RBFOX3: variants seen among roughly 807,000 people sequenced by gnomAD.
RBFOX3 encodes the protein RNA binding protein fox-1 homolog 3.
In RBFOX3, 17 loss-of-function variants were observed where a neutral mutation model predicts 48.7. The ratio of observed to expected loss-of-function variants is 0.35; its 90% confidence interval spans 0.24 to 0.52. The LOEUF (loss-of-function observed/expected upper bound fraction) is 0.52. Among genes scored for constraint, RBFOX3 ranks in the 20% least tolerant of loss-of-function variants. The pLI is 0.94. For missense variants in RBFOX3, 382 were observed against 497.5 expected (o/e 0.77, Z 2.21); for synonymous variants, 212 against 209.5 (o/e 1.01, Z -0.10).
Position 79,130,410 on chromosome 17 carries a change from C to T in RBFOX3, c.-33-14662G>A, listed in dbSNP as rs535730903. 5.9e-5 allele frequency among the ~76,000 whole-genome samples: 9 copies of T among 152,342 alleles called. No homozygotes were observed. In the South Asian group the frequency reaches 1.9e-3, roughly 32 times the overall value. On this transcript the variant is annotated intron_variant, in intron 4 of 14. Transcript: ENST00000693108. ...ACAGTCACTTCGCAAGCCAACAACCCGCCACCAAGTCGCATGCTCTGCCGC... is the reference window on the plus strand; with the variant it reads ...ACAGTCACTTCGCAAGCCAACAACCTGCCACCAAGTCGCATGCTCTGCCGC...
chr17:79,385,306 CA>C (rs752807637), intron 2 of RBFOX3, among the ~76,000 whole-genome samples: 6 of 152,206 alleles, frequency 3.9e-5, no homozygotes, highest in Non-Finnish European at 8.8e-5. Context: ...AGGGAAACAC[CA>C]GGCCCCATGT....
At position 79,341,651 on chromosome 17, in the gene RBFOX3, C is replaced by G. The variant is rs574606697; in HGVS notation, c.-174-33827G>C. On this transcript the variant is annotated intron_variant, in intron 2 of 14. Coordinates refer to ENST00000693108, the MANE Select transcript of RBFOX3 (RefSeq NM_001350451.2). ...TTGGAAAGCCTTAGGGTCCATTTCT[C>G]TACCTGGAGAAGCAGTCACTGCCCC... 3.3e-5 allele frequency among the ~76,000 whole-genome samples: 5 copies of G among 152,258 alleles called. No homozygotes were observed. The East Asian group carries it at 9.7e-4, about 29-fold the overall frequency.
intron 4 of RBFOX3, among the ~76,000 whole-genome samples, chr17:79,117,317 C>T (rs562636394): frequency 6.8e-4 from 103 of 152,322 alleles, no homozygotes; most frequent in African/African-American, 2.2e-3. Context: ...CAGGAGTCCG[C>T]GTCCTTGCTG....
chr17:79,457,217 G>T (rs1023423304), intron 2 of RBFOX3, among the ~76,000 whole-genome samples: 1 of 152,210 alleles, frequency 6.6e-6, no homozygotes. Flanking sequence ...AATATTTCAG[G>T]GTTGATGGTC....
chr17:79,138,234 C>T (rs1433048019), intron 4 of RBFOX3, among the ~76,000 whole-genome samples: 1 of 152,170 alleles, frequency 6.6e-6, no homozygotes, highest in Non-Finnish European at 1.5e-5. Flanking sequence ...GTGCAACACG[C>T]ACACTCAGAC....
Position 79,473,512 on chromosome 17 carries a change from G to C in RBFOX3, c.-175+8942C>G, listed in dbSNP as rs1334955769. On this transcript the variant is annotated intron_variant, in intron 2 of 14. Coordinates refer to ENST00000693108, the MANE Select transcript of RBFOX3 (RefSeq NM_001350451.2). This position sits in a 1 kb window ranked among gnomAD's most constrained non-coding sequence, Gnocchi z 4.2. ...TTTCCAGGCCTTGCATACTGTTCTG[G>C]ACACTCCAGGCACACAGATGCCTCC... Among the ~76,000 whole-genome samples the C allele has an allele frequency of 6.6e-6, 1 of 152,220 alleles. No individual in the cohort carries two copies. Among genetic ancestry groups the C allele is most frequent in the Non-Finnish European group, 1.5e-5 (1 of 68,032 alleles).
upstream of RBFOX3, among the ~76,000 whole-genome samples, chr17:79,614,320 A>G (rs2145595917): frequency 1.3e-5 from 2 of 152,284 alleles, no homozygotes; most frequent in East Asian, 3.9e-4. Flanking sequence ...CCCTCACGGC[A>G]CCTGTCAGCA....
chr17:79,267,212 C>G (rs1016753389), intron 3 of RBFOX3, among the ~76,000 whole-genome samples: 1 of 152,192 alleles, frequency 6.6e-6, no homozygotes, highest in African/African-American at 2.4e-5. Context: ...CTTGCTGGCT[C>G]TGGGCCCTGT....
Position 79,151,938 on chromosome 17 carries a change from A to AGGAG in RBFOX3, c.-33-36191_-33-36190insCTCC, listed in dbSNP as rs1223049784. Among the ~76,000 whole-genome samples, 185 of 19,744 alleles carry AGGAG rather than the reference A, an allele frequency of 9.4e-3. 37 individuals carry two copies. The highest frequency in any genetic ancestry group is 0.028 in the Middle Eastern group (1 of 36). 13.0% of individuals were successfully genotyped at this position (19,744 alleles called of 152,430 possible). ...GGCGAGGATGGGAGGGGACCTACAGAGGGAGGCGCGGATGGGAGGTGCAGG... is the reference window on the plus strand; with the variant it reads ...GGCGAGGATGGGAGGGGACCTACAGAGGAGGGGAGGCGCGGATGGGAGGTGCAGG... On this transcript the variant is annotated intron_variant, in intron 4 of 14. Coordinates refer to ENST00000693108, the MANE Select transcript of RBFOX3 (RefSeq NM_001350451.2).
At chr17:79,157,375 C>T (rs889983906) in intron 4 of RBFOX3, among the ~76,000 whole-genome samples, 3 of 152,208 alleles carry the variant, frequency 2.0e-5, no homozygotes, top group Admixed American at 6.5e-5. Flanking sequence ...ACCCCTTCCA[C>T]AGACACTGAC....
At chr17:79,603,316 G>A (rs1383827018) in intron 1 of RBFOX3, among the ~76,000 whole-genome samples, 7 of 152,144 alleles carry the variant, frequency 4.6e-5, no homozygotes, top group Admixed American at 2.6e-4. Flanking sequence ...TTGACACCCC[G>A]CTGGCAGTGG....
chr17:79,219,437 C>T (rs918153783), intron 4 of RBFOX3, among the ~76,000 whole-genome samples: 3 of 152,240 alleles, frequency 2.0e-5, no homozygotes, highest in Non-Finnish European at 4.4e-5. Flanking sequence ...GACACACACA[C>T]ATACCCTAAA....
chr17:79,461,913 G>A (rs1440165102), intron 2 of RBFOX3, among the ~76,000 whole-genome samples: 1 of 152,192 alleles, frequency 6.6e-6, no homozygotes, highest in African/African-American at 2.4e-5. Flanking sequence ...AAGGGGCAAG[G>A]GAAGTTCTTC....
intron 2 of RBFOX3, among the ~76,000 whole-genome samples, chr17:79,456,198 T>G (rs782732491): frequency 1.3e-5 from 2 of 152,216 alleles, no homozygotes; most frequent in Non-Finnish European, 2.9e-5. Flanking sequence ...TCACGCAGTC[T>G]TTCTTTCTGC....
intron 1 of RBFOX3, among the ~76,000 whole-genome samples, chr17:79,513,946 C>A (rs1481362925): frequency 1.3e-5 from 2 of 152,210 alleles, no homozygotes; most frequent in African/African-American, 4.8e-5. Flanking sequence ...TTGGCTAGGG[C>A]TGCCAATCAA....
chr17:79,192,771 ACT>A lies in RBFOX3; in HGVS notation c.-34+42993_-34+42994del, dbSNP rs372417311. ...CCCAAACAAGCACGGGTGTCAGTGAACTCTCTGTTTTGCAGGGGTGGCCAGCG... is the reference window on the plus strand; with the variant it reads ...CCCAAACAAGCACGGGTGTCAGTGAACTCTGTTTTGCAGGGGTGGCCAGCG... On this transcript the variant is annotated intron_variant, in intron 4 of 14. Coordinates refer to ENST00000693108, the MANE Select transcript of RBFOX3 (RefSeq NM_001350451.2). Among the ~76,000 whole-genome samples the A allele has an allele frequency of 2.2e-3, 337 of 152,178 alleles. 4 individuals carry two copies. Among genetic ancestry groups the A allele is most frequent in the African/African-American group, 7.7e-3 (320 of 41,512 alleles).
the RBFOX3 span, among the ~76,000 whole-genome samples, chr17:79,651,934 G>A: frequency 1.1e-4 from 15 of 137,894 alleles, no homozygotes; most frequent in Admixed American, 3.1e-4. Flanking sequence ...CTCACGTGCC[G>A]AGGAACTGCA....
intron 2 of RBFOX3, among the ~76,000 whole-genome samples, chr17:79,310,189 A>G (rs932577729): frequency 6.6e-6 from 1 of 152,162 alleles, no homozygotes; most frequent in Non-Finnish European, 1.5e-5. Flanking sequence ...CCTCCATAGC[A>G]TGCATTCCCC....
At chr17:79,349,762 C>T (rs1004408442) in intron 2 of RBFOX3, among the ~76,000 whole-genome samples, 3 of 151,980 alleles carry the variant, frequency 2.0e-5, no homozygotes, top group South Asian at 2.1e-4. Context: ...CTTGGTGCAC[C>T]GAGAGATGCC....
Sources: gnomAD v4.1 joint callset for allele counts (sites outside exome capture counted in the v4.1 genomes callset) on GRCh38, gnomAD v4.1.1 for gene constraint, Gnocchi (gnomAD v3.1) non-coding constraint, MANE v1.5 for transcripts, NCBI Gene and HGNC (gene_info 2026-07-23, HGNC 2026-07-21) for gene names.